The following COG5 variants were observed in gnomAD, a reference collection of about 807,000 sequenced individuals.
The protein encoded by COG5 is component of oligomeric golgi complex 5, also known as conserved oligomeric Golgi complex subunit 5.
In COG5, 86 loss-of-function variants were observed where a neutral mutation model predicts 110.4. The observed-to-expected ratio is 0.78, with a 90% confidence interval of 0.65 to 0.93. COG5 has a LOEUF of 0.93. COG5 is among the 40% of genes least tolerant of loss of function. The pLI, the probability that COG5 is intolerant of heterozygous loss-of-function variation, is 0.00. For missense variants in COG5, 1,077 were observed against 987.0 expected (o/e 1.09, Z -1.22); for synonymous variants, 360 against 334.6 (o/e 1.08, Z -0.83).
At chr7:107,265,793 G>A (rs1470572962) in intron 14 of COG5, among the ~76,000 whole-genome samples, 3 of 152,082 alleles carry the variant, frequency 2.0e-5, no homozygotes, top group South Asian at 2.1e-4. Context: ...GGTGGCTCAC[G>A]CCTGTAATCC....
chr7:107,321,966 A>G (rs1245959090), intron 11 of COG5, among the ~76,000 whole-genome samples: 1 of 152,218 alleles, frequency 6.6e-6, no homozygotes, highest in Non-Finnish European at 1.5e-5. Context: ...CATGCAACTA[A>G]GGAAGTACTC....
At chr7:107,536,611 T>A (rs1015062961) in intron 5 of COG5, among the ~76,000 whole-genome samples, 1 of 151,948 alleles carries the variant, frequency 6.6e-6, no homozygotes, top group Admixed American at 6.6e-5. Context: ...GAAAATAAGA[T>A]AGGACACGAA....
chr7:107,312,833 A>C (rs56933300), intron 11 of COG5, among the ~76,000 whole-genome samples: 4,779 of 146,330 alleles, frequency 0.033, 180 homozygotes, highest in African/African-American at 0.093. Context: ...TGGCAGAAGC[A>C]GAGGACCTCG....
At chr7:107,303,958 C>T (rs1807494371) in intron 11 of COG5, among the ~76,000 whole-genome samples, 1 of 151,890 alleles carries the variant, frequency 6.6e-6, no homozygotes, top group Non-Finnish European at 1.5e-5. Flanking sequence ...TTAAATTAAT[C>T]ACTAGTGATT....
chr7:107,539,614 T>C (rs1801833070), intron 5 of COG5, among the ~76,000 whole-genome samples: 1 of 152,084 alleles, frequency 6.6e-6, no homozygotes, highest in Non-Finnish European at 1.5e-5. Flanking sequence ...TATTCTGGCA[T>C]TAGATAATAT....
rs772850481 is a variant in COG5 at position 107,563,911 on chromosome 7, G to C, written c.-15C>G. On this transcript the variant is annotated 5_prime_UTR_variant, in exon 1 of 22. Coordinates refer to ENST00000297135, the MANE Select transcript of COG5 (RefSeq NM_006348.5). ...CCACCTTCCATGTTGGCAGGTGCCG[G>C]GTTGATGTCGTCAGCAGCAGAACGG... 1 of 1,613,294 alleles carries C rather than the reference G, an allele frequency of 6.2e-7. No homozygotes were observed. The highest frequency in any genetic ancestry group is 1.3e-5 in the African/African-American group (1 of 74,934).
chr7:107,526,058 T>G (rs1357329198), intron 6 of COG5, among the ~76,000 whole-genome samples: 1 of 152,216 alleles, frequency 6.6e-6, no homozygotes, highest in African/African-American at 2.4e-5. Context: ...GAATAAGCAT[T>G]ACAGCATAGC....
At chr7:107,498,552 T>C (rs144140815) in intron 6 of COG5, among the ~76,000 whole-genome samples, 8 of 152,184 alleles carry the variant, frequency 5.3e-5, no homozygotes, top group Admixed American at 4.6e-4. Flanking sequence ...ATCAGAGTAA[T>C]GCAAATCGAA....
intron 10 of COG5, among the ~76,000 whole-genome samples, chr7:107,326,334 G>T (rs141067269): frequency 6.6e-6 from 1 of 152,110 alleles, no homozygotes; most frequent in African/African-American, 2.4e-5. Flanking sequence ...GAAATAAAAA[G>T]CATCCAAATT....
In COG5 at chr7:107,203,660, A is replaced by ATAT. The variant is rs556891535; in HGVS notation, c.2376-33_2376-31dup. ...AAACCAAAATGAAAACAATGTCAAA[A>ATAT]TATTAGATAAATCACATAAAACAGT... On this transcript the variant is annotated intron_variant, in intron 21 of 21. Coordinates refer to ENST00000297135, the MANE Select transcript of COG5 (RefSeq NM_006348.5). 2,293 of 1,351,308 alleles carry ATAT rather than the reference A, an allele frequency of 1.7e-3. 4 individuals carry two copies. The highest frequency in any genetic ancestry group is 2.5e-3 in the Admixed American group (149 of 59,696). The allele number at this position is 1,351,308 out of a possible 1,614,324, so 83.7% of individuals were successfully genotyped here.
At chr7:107,339,738 A>G (rs897756548) in intron 10 of COG5, among the ~76,000 whole-genome samples, 1 of 152,160 alleles carries the variant, frequency 6.6e-6, no homozygotes, top group Non-Finnish European at 1.5e-5. Context: ...ACACAATTAC[A>G]TGGAAATTAA....
In COG5 at chr7:107,410,016, TTTTG is replaced by T. The variant is rs1170995750; in HGVS notation, c.669+2482_669+2485del. On this transcript the variant is annotated intron_variant, in intron 7 of 21. Transcript: ENST00000297135. ...AACAGTCTTACAGTTGTCTGTTTTG[TTTTG>T]TTTGTTTTGTTTTTGTTTTTTAAGA... Among the ~76,000 whole-genome samples the T allele has an allele frequency of 1.4e-4, 21 of 152,080 alleles. No individual in the cohort carries two copies. In the East Asian group the frequency reaches 2.5e-3, roughly 18 times the overall value.
chr7:107,321,324 TAAATA>T (rs1212699360), intron 11 of COG5, among the ~76,000 whole-genome samples: 1 of 152,088 alleles, frequency 6.6e-6, no homozygotes, highest in Non-Finnish European at 1.5e-5. Context: ...AAGTCCTAAA[TAAATA>T]GAATAATACA....
rs1800215818 is a variant in COG5, at chr7:107,520,052, TTACCTC to T, written c.538+7179_538+7184del. 2.0e-5 allele frequency among the ~76,000 whole-genome samples: 3 copies of T among 152,176 alleles called. No homozygotes were observed. In the South Asian group the frequency reaches 6.2e-4, roughly 32 times the overall value. ...GAACCAATGACAAAAAAACATAAGA[TTACCTC>T]AACAGACACAGAAAAGGGCTCTGAT... On this transcript the variant is annotated intron_variant, in intron 6 of 21. Coordinates refer to ENST00000297135, the MANE Select transcript of COG5 (RefSeq NM_006348.5).
intron 1 of COG5, chr7:107,563,542 CATG>C (rs1283697094): frequency 6.8e-5 from 24 of 350,498 alleles, no homozygotes; most frequent in African/African-American, 2.7e-4. Flanking sequence ...AAGCTGGAGG[CATG>C]GGGGGGGGGG....
intron 8 of COG5, among the ~76,000 whole-genome samples, chr7:107,369,516 A>G (rs965273292): frequency 4.6e-5 from 7 of 150,778 alleles, no homozygotes; most frequent in South Asian, 2.1e-4. Context: ...CCTCCTGAAT[A>G]GCTGGGATTA....
At chr7:107,365,879 C>T (rs1314134752) in intron 8 of COG5, among the ~76,000 whole-genome samples, 1 of 152,072 alleles carries the variant, frequency 6.6e-6, no homozygotes, top group Non-Finnish European at 1.5e-5. Context: ...TTGTAGACAA[C>T]AAACCTAAAT....
At chr7:107,412,425 T>G in intron 7 of COG5, 77 bp downstream of exon 7, 1 of 1,421,090 alleles carries the variant, frequency 7.0e-7, no homozygotes, top group Admixed American at 1.7e-5. Context: ...ATATATTACT[T>G]TTTTGAACTC....
At chr7:107,465,689 A>G (rs981570503) in intron 6 of COG5, among the ~76,000 whole-genome samples, 3 of 152,214 alleles carry the variant, frequency 2.0e-5, no homozygotes, top group Non-Finnish European at 4.4e-5. Flanking sequence ...AGAATTATTA[A>G]TTAAACTCTT....
Sources: allele counts gnomAD v4.1 joint callset (sites outside exome capture counted in the v4.1 genomes callset), GRCh38; gene constraint gnomAD v4.1.1; transcripts MANE v1.5; gene names NCBI Gene and HGNC (gene_info 2026-07-23, HGNC 2026-07-21).